The following NEK10 variants were observed in gnomAD, a reference collection of about 807,000 sequenced individuals.
NEK10 encodes serine/threonine-protein kinase Nek10.
NEK10 carries 122 observed loss-of-function variants against 159.8 expected under a neutral mutation model. The ratio of observed to expected loss-of-function variants is 0.76; its 90% confidence interval spans 0.66 to 0.89. The LOEUF is 0.89. Ranked by LOEUF, NEK10 falls within the 40% of genes least tolerant of loss-of-function variation. The probability of loss-of-function intolerance (pLI) is 0.00; values close to 1 mark genes in which losing one functional copy is unlikely to be tolerated. For synonymous variants in NEK10, 466 were observed against 457.1 expected (o/e 1.02, Z -0.25); for missense variants, 1,342 against 1,323.1 (o/e 1.01, Z -0.22).
At chr3:27,292,712 T>C (rs2149496365) in intron 16 of NEK10, among the ~76,000 whole-genome samples, 1 of 145,318 alleles carries the variant, frequency 6.9e-6, no homozygotes, top group African/African-American at 2.6e-5. Context: ...TGCATGCCTG[T>C]AGTCCCAGCT....
At chr3:27,153,954 G>T (rs1486729838) in intron 30 of NEK10, among the ~76,000 whole-genome samples, 1 of 151,882 alleles carries the variant, frequency 6.6e-6, no homozygotes, top group Non-Finnish European at 1.5e-5. Context: ...AAATAACCAA[G>T]ATCAAAGCAG....
intron 5 of NEK10, among the ~76,000 whole-genome samples, chr3:27,333,611 CA>C: frequency 6.6e-6 from 1 of 152,142 alleles, no homozygotes; most frequent in East Asian, 1.9e-4. Flanking sequence ...CCAGTAGCAC[CA>C]GGGCTGAGGT....
chr3:27,300,225 A>T (rs371367946), intron 13 of NEK10, among the ~76,000 whole-genome samples: 5 of 152,196 alleles, frequency 3.3e-5, no homozygotes, highest in African/African-American at 9.7e-5. Context: ...TGCTGTTCTC[A>T]TGATAGTGAA....
intron 30 of NEK10, 94 bp downstream of exon 30, chr3:27,162,607 G>T (rs372449987): frequency 8.1e-6 from 13 of 1,613,898 alleles, no homozygotes; most frequent in African/African-American, 6.7e-5. Flanking sequence ...CAAAGCTGAA[G>T]AAATAAAAGG....
intron 23 of NEK10, among the ~76,000 whole-genome samples, chr3:27,226,724 G>A (rs556413768): frequency 1.3e-5 from 2 of 152,134 alleles, no homozygotes; most frequent in East Asian, 3.9e-4. Context: ...ATATTAAGAT[G>A]ATAAGATTTT....
At chr3:27,268,248 A>T (rs2041061604) in intron 22 of NEK10, among the ~76,000 whole-genome samples, 2 of 152,230 alleles carry the variant, frequency 1.3e-5, no homozygotes, top group Non-Finnish European at 2.9e-5. Context: ...AGCTATGGCA[A>T]GTTATCCAGA....
At chr3:27,357,789 A>C (rs1005091944) in intron 1 of NEK10, among the ~76,000 whole-genome samples, 3 of 152,172 alleles carry the variant, frequency 2.0e-5, no homozygotes, top group African/African-American at 7.2e-5. Flanking sequence ...TGAATCTCTA[A>C]TTGAGAACCA....
intron 30 of NEK10, among the ~76,000 whole-genome samples, chr3:27,158,174 C>A (rs1384500054): frequency 6.6e-5 from 10 of 152,036 alleles, no homozygotes; most frequent in Non-Finnish European, 1.5e-4. Context: ...AAGGTGCTTA[C>A]AATCTGGTTG....
chr3:27,154,285 C>A (rs1374918335), intron 30 of NEK10, among the ~76,000 whole-genome samples: 1 of 152,108 alleles, frequency 6.6e-6, no homozygotes, highest in African/African-American at 2.4e-5. Flanking sequence ...CTATAACAAG[C>A]AGTGAGACTG....
At chr3:27,338,608 T>C (rs2046979910) in intron 5 of NEK10, among the ~76,000 whole-genome samples, 1 of 152,264 alleles carries the variant, frequency 6.6e-6, no homozygotes, top group Non-Finnish European at 1.5e-5. Flanking sequence ...GACTTTTTAA[T>C]GATTGCCATT....
intron 8 of NEK10, chr3:27,311,845 C>T: frequency 2.4e-6 from 1 of 411,502 alleles, no homozygotes. Context: ...TAGATTTTAC[C>T]AAAATTTGCT....
rs1470527368 is a variant in NEK10 at position 27,108,903 on chromosome 3, C to A, written c.*2369G>T. ...TCTTAGAGACATGGGAAAATATAGACTCAGTGATTGTGGTAGTTTAGGGAG... is the reference window on the plus strand; with the variant it reads ...TCTTAGAGACATGGGAAAATATAGAATCAGTGATTGTGGTAGTTTAGGGAG... On this transcript the variant is annotated 3_prime_UTR_variant, in exon 36 of 36. Coordinates refer to ENST00000691995, the MANE Select transcript of NEK10 (RefSeq NM_001394966.1). 6.6e-6 allele frequency among the ~76,000 whole-genome samples: 1 copy of A among 152,176 alleles called. No individual in the cohort carries two copies. The highest frequency in any genetic ancestry group is 6.5e-5 in the Admixed American group (1 of 15,274).
chr3:27,217,172 A>T (rs1418183395), intron 23 of NEK10, among the ~76,000 whole-genome samples: 1 of 152,154 alleles, frequency 6.6e-6, no homozygotes, highest in Non-Finnish European at 1.5e-5. Flanking sequence ...ATGGCCTCAG[A>T]TGGGTTTTAT....
intron 23 of NEK10, among the ~76,000 whole-genome samples, chr3:27,243,556 C>G (rs571778822): frequency 6.6e-6 from 1 of 152,112 alleles, no homozygotes; most frequent in African/African-American, 2.4e-5. Flanking sequence ...TATCCGTCAA[C>G]CAGACTCCCT....
intron 20 of NEK10, among the ~76,000 whole-genome samples, chr3:27,287,471 T>G (rs939246368): frequency 6.6e-6 from 1 of 152,240 alleles, no homozygotes; most frequent in Non-Finnish European, 1.5e-5. Context: ...GGTTTGTTCA[T>G]GCGTTTTTCA....
At chr3:27,180,813 T>A (rs542399772) in intron 26 of NEK10, among the ~76,000 whole-genome samples, 1 of 152,218 alleles carries the variant, frequency 6.6e-6, no homozygotes, top group South Asian at 2.1e-4. Flanking sequence ...TTAACCAATT[T>A]CCCTGATTTC....
chr3:27,278,995 T>TGTTCA, intron 22 of NEK10: 1 of 832,130 alleles, frequency 1.2e-6, no homozygotes, highest in Non-Finnish European at 1.4e-6. Flanking sequence ...TCATGGCACA[T>TGTTCA]GCCATCAAAA....
In NEK10 at chr3:27,284,677, T is replaced by C; in HGVS notation, c.1939A>G (p.Lys647Glu). 1 of 1,610,000 alleles carries C rather than the reference T, an allele frequency of 6.2e-7. No individual in the cohort carries two copies. Among genetic ancestry groups the C allele is most frequent in the South Asian group, 1.1e-5 (1 of 91,010 alleles). ...TCTCTATGGACAATCCTCTTCTCCT[T>C]GTGTAAGTATCGAAGAGCTAAGCAC... ...QLCLALRYLHKEKRIVHRDLT... is the reference protein window; with the variant it reads ...QLCLALRYLHEEKRIVHRDLT... Residue 647 changes from lysine to glutamate, a missense_variant, in exon 22 of 36, where the codon AAG becomes GAG. Coordinates refer to ENST00000691995, the MANE Select transcript of NEK10 (RefSeq NM_001394966.1).
chr3:27,346,222 GA>G lies in NEK10; in HGVS notation c.133-7del. The G allele has an allele frequency of 6.2e-7, 1 of 1,613,526 alleles. No homozygotes were observed. The highest frequency in any genetic ancestry group is 8.5e-7 in the Non-Finnish European group (1 of 1,179,568). On this transcript the variant is annotated splice_polypyrimidine_tract_variant and splice_region_variant and intron_variant, in intron 3 of 35. Coordinates refer to ENST00000691995, the MANE Select transcript of NEK10 (RefSeq NM_001394966.1). ...TCGAAGTTAATGGCTGGAAGCTACA[GA>G]AATAGAAGCATAGAGTACATGAGGA... is the stretch of plus-strand genomic sequence containing the variant.
Sources: gnomAD v4.1 joint callset for allele counts (sites outside exome capture counted in the v4.1 genomes callset) on GRCh38, gnomAD v4.1.1 for gene constraint, MANE v1.5 for transcripts, NCBI Gene and HGNC (gene_info 2026-07-23, HGNC 2026-07-21) for gene names.